YAE1: variants seen among roughly 807,000 people sequenced by gnomAD.
YAE1 encodes the protein YAE1 maturation factor of ABCE1.
In YAE1, 22 loss-of-function variants were observed where a neutral mutation model predicts 23.0. The observed-to-expected ratio is 0.96, with a 90% CI of 0.68 to 1.37. The LOEUF (loss-of-function observed/expected upper bound fraction) is 1.37, where lower values mean the gene tolerates loss of function less well. Among genes scored for constraint, YAE1 ranks in the 40% most tolerant of loss-of-function variants. YAE1 has a pLI of 0.00. For missense variants in YAE1, 260 were observed against 262.1 expected, an observed-to-expected ratio of 0.99 and a Z score of 0.06; for synonymous variants, 101 against 97.0, an observed-to-expected ratio of 1.04 and a Z score of -0.24.
At chr7:39,607,287 A>G (rs1791143978) in intron 2 of YAE1, among the ~76,000 whole-genome samples, 1 of 152,252 alleles carries the variant, frequency 6.6e-6, no homozygotes, top group South Asian at 2.1e-4. Flanking sequence ...TATATAGGAA[A>G]GGAATGAATG....
chr7:39,592,272 T>C (rs914558902), intron 2 of YAE1, among the ~76,000 whole-genome samples: 1 of 151,374 alleles, frequency 6.6e-6, no homozygotes, highest in African/African-American at 2.5e-5. Context: ...TCTTCCAGAG[T>C]TGCTCTACCA....
chr7:39,566,629 C>T, intron 1 of YAE1, 82 bp downstream of exon 1: 1 of 1,566,730 alleles, frequency 6.4e-7, no homozygotes, highest in Non-Finnish European at 8.7e-7. Flanking sequence ...CAGAGTGGCC[C>T]CAGCCTGGCC....
intron 2 of YAE1, among the ~76,000 whole-genome samples, chr7:39,598,184 A>G (rs1791005137): frequency 6.6e-6 from 1 of 151,876 alleles, no homozygotes; most frequent in African/African-American, 2.4e-5. Flanking sequence ...ATCTTAGCTC[A>G]CTGCAACTTC....
chr7:39,573,300 A>G (rs1399021926), downstream of YAE1, among the ~76,000 whole-genome samples: 1 of 152,072 alleles, frequency 6.6e-6, no homozygotes, highest in Non-Finnish European at 1.5e-5. Context: ...AAACATAGAA[A>G]ATATATTTTA....
At chr7:39,610,405 T>C, downstream of YAE1, 3 of 456,578 alleles carry the variant, frequency 6.6e-6, no homozygotes, top group South Asian at 4.7e-5. Context: ...CCAACGTTTC[T>C]GCAGGTCCAT....
downstream of YAE1, among the ~76,000 whole-genome samples, chr7:39,577,780 T>C (rs1024892367): frequency 6.6e-6 from 1 of 151,958 alleles, no homozygotes; most frequent in Non-Finnish European, 1.5e-5. Flanking sequence ...GGCTGAGGAG[T>C]GCGGGTGCAC....
At chr7:39,608,177 T>G (rs1010638796) in intron 2 of YAE1, among the ~76,000 whole-genome samples, 1 of 152,232 alleles carries the variant, frequency 6.6e-6, no homozygotes, top group Non-Finnish European at 1.5e-5. Flanking sequence ...TATAAAGGTA[T>G]GCAACTTTTA....
At chr7:39,575,577 A>AGAGAGAGAGAGAGAGAGTGTGT (rs1173016799), downstream of YAE1, among the ~76,000 whole-genome samples, 38 of 80,262 alleles carry the variant, frequency 4.7e-4, 1 homozygote, top group East Asian at 6.2e-3. Flanking sequence ...AGAGAGAGAG[A>AGAGAGAGAGAGAGAGAGTGTGT]GTGAGTGTGT....
intron 2 of YAE1, among the ~76,000 whole-genome samples, chr7:39,578,588 G>A (rs1376343922): frequency 6.6e-6 from 1 of 152,122 alleles, no homozygotes; most frequent in East Asian, 1.9e-4. Context: ...AACTCCAGAC[G>A]CGCTGCCTTA....
intron 2 of YAE1, 79 bp downstream of exon 2, chr7:39,570,706 A>G: frequency 6.7e-7 from 1 of 1,487,532 alleles, no homozygotes; most frequent in Non-Finnish European, 8.9e-7. Flanking sequence ...TAAAGTGTTT[A>G]AACTGAAATG....
At chr7:39,581,122 A>C (rs912854787) in intron 2 of YAE1, among the ~76,000 whole-genome samples, 3 of 152,212 alleles carry the variant, frequency 2.0e-5, no homozygotes, top group African/African-American at 7.2e-5. Flanking sequence ...AGAGACAACA[A>C]CTTTGTTAAC....
intron 2 of YAE1, among the ~76,000 whole-genome samples, chr7:39,579,042 C>T (rs1214675954): frequency 6.6e-6 from 1 of 152,140 alleles, no homozygotes; most frequent in Non-Finnish European, 1.5e-5. Flanking sequence ...ATCCCTGGTG[C>T]ATAGTTCTAA....
At position 39,583,204 on chromosome 7, in the gene YAE1, G is replaced by T. The variant is rs533150039; in HGVS notation, c.251+12577G>T. 2.6e-5 allele frequency among the ~76,000 whole-genome samples: 4 copies of T among 152,240 alleles called. No homozygotes were observed. In the South Asian group the frequency reaches 8.3e-4, roughly 32 times the overall value. Reference sequence around the variant, plus strand: ...TGAGAACTATAGAAACAAGGAATATGTTATATTTTTAAGTGAAAGTCATAA... The same window carrying T: ...TGAGAACTATAGAAACAAGGAATATTTTATATTTTTAAGTGAAAGTCATAA... On this transcript the variant is annotated intron_variant, in intron 2 of 2. Coordinates refer to the YAE1 transcript ENST00000432096.
intron 2 of YAE1, among the ~76,000 whole-genome samples, chr7:39,580,435 A>G (rs1790723926): frequency 6.6e-6 from 1 of 152,228 alleles, no homozygotes; most frequent in Non-Finnish European, 1.5e-5. Context: ...TCTTTCCAAA[A>G]AGAAGATCAA....
intron 2 of YAE1, among the ~76,000 whole-genome samples, chr7:39,594,553 G>T (rs1206963953): frequency 6.6e-6 from 1 of 151,608 alleles, no homozygotes; most frequent in Non-Finnish European, 1.5e-5. Flanking sequence ...AGTATTACTT[G>T]TGGAATGGTT....
At chr7:39,575,982 C>T (rs1430826478), downstream of YAE1, among the ~76,000 whole-genome samples, 3 of 152,182 alleles carry the variant, frequency 2.0e-5, no homozygotes, top group African/African-American at 7.2e-5. Flanking sequence ...ATTTTGCTAA[C>T]TCTCCCCGAC....
chr7:39,575,577 A>AGAGAGAGAGAGAGAGAGAGAGTGTGTGT (rs1173016799), downstream of YAE1, among the ~76,000 whole-genome samples: 8 of 80,204 alleles, frequency 1.0e-4, no homozygotes, highest in African/African-American at 4.2e-4. Context: ...AGAGAGAGAG[A>AGAGAGAGAGAGAGAGAGAGAGTGTGTGT]GTGAGTGTGT....
chr7:39,581,494 T>C (rs537957421), intron 2 of YAE1, among the ~76,000 whole-genome samples: 1 of 152,344 alleles, frequency 6.6e-6, no homozygotes, highest in Admixed American at 6.5e-5. Context: ...GCAAAACACC[T>C]TTCTTCCAAA....
chr7:39,583,050 G>A (rs1790767752), intron 2 of YAE1, among the ~76,000 whole-genome samples: 1 of 152,150 alleles, frequency 6.6e-6, no homozygotes. Flanking sequence ...CAAAGCTATT[G>A]GTTGCTGCAT....
Sources: allele counts gnomAD v4.1 joint callset (sites outside exome capture counted in the v4.1 genomes callset), GRCh38; gene constraint gnomAD v4.1.1; transcripts MANE v1.5; gene names NCBI Gene and HGNC (gene_info 2026-07-23, HGNC 2026-07-21).